ZFP2: variants seen among roughly 807,000 people sequenced by gnomAD.
The protein encoded by ZFP2 is zinc finger protein ZFP2.
Under a neutral mutation model 36.1 loss-of-function variants are expected in ZFP2, and 33 were observed. The ratio of observed to expected loss-of-function variants is 0.92; its 90% CI spans 0.69 to 1.22. ZFP2 has a LOEUF of 1.22. Ranked by LOEUF, ZFP2 falls within the 50% of genes most tolerant of loss-of-function variation. The pLI is 0.00. For missense variants in ZFP2, 522 were observed against 551.4 expected, an observed-to-expected ratio of 0.95 and a Z score of 0.53; for synonymous variants, 170 against 178.0, an observed-to-expected ratio of 0.96 and a Z score of 0.36.
intron 1 of ZFP2, among the ~76,000 whole-genome samples, chr5:178,903,651 T>C (rs1758103651): frequency 1.3e-5 from 2 of 152,204 alleles, no homozygotes; most frequent in Admixed American, 6.6e-5. Flanking sequence ...AAATTTCCTT[T>C]CTCTTTACTT....
chr5:178,910,282 G>T, intron 1 of ZFP2: 1 of 1,378,100 alleles, frequency 7.3e-7, no homozygotes, highest in Non-Finnish European at 1.0e-6. Context: ...TTGCAAAAGT[G>T]CTCCATGCCT....
At chr5:178,919,983 T>C (rs528836887) in intron 4 of ZFP2, among the ~76,000 whole-genome samples, 6 of 151,718 alleles carry the variant, frequency 4.0e-5, no homozygotes, top group African/African-American at 1.4e-4. Context: ...AAAAAAAATT[T>C]GATTATGATG....
At chr5:178,905,638 T>C (rs1307126114) in intron 1 of ZFP2, among the ~76,000 whole-genome samples, 12 of 147,426 alleles carry the variant, frequency 8.1e-5, no homozygotes, top group Admixed American at 2.0e-4. Flanking sequence ...CTGAATGTAG[T>C]GCTAGGGGGA....
At chr5:178,927,152 A>T (rs17663891) in intron 4 of ZFP2, among the ~76,000 whole-genome samples, 6,768 of 152,234 alleles carry the variant, frequency 0.044, 217 homozygotes, top group Non-Finnish European at 0.071. Flanking sequence ...AAGTCTGAGT[A>T]GCTACAAGGT....
rs1466955479 is a variant in ZFP2 at position 178,900,436 on chromosome 5, C to G, written c.-450+4462C>G. Among the ~76,000 whole-genome samples the G allele has an allele frequency of 2.5e-5, 2 of 78,812 alleles. 1 individual carries two copies. The highest frequency in any genetic ancestry group is 5.7e-5 in the Non-Finnish European group (2 of 34,950). The allele number at this position is 78,812 out of a possible 152,430, so 51.7% of individuals were successfully genotyped here. A position where few individuals can be genotyped will look rare whatever the true frequency, so the allele number is the denominator to read the frequency against. ...CCACTTCTACTCCATGTCCCCCACC[C>G]CAGCCAGCCAGTGTCCTCGTGCCAC... On this transcript the variant is annotated intron_variant, in intron 1 of 4. Transcript: ENST00000361362.
intron 1 of ZFP2, among the ~76,000 whole-genome samples, chr5:178,909,455 A>G (rs372536802): frequency 6.6e-6 from 1 of 152,068 alleles, no homozygotes; most frequent in Non-Finnish European, 1.5e-5. Context: ...TTGCTTCCAG[A>G]GCTTGGGGCC....
intron 1 of ZFP2, chr5:178,910,715 G>T: frequency 3.7e-6 from 1 of 270,122 alleles, no homozygotes; most frequent in Non-Finnish European, 7.3e-6. Flanking sequence ...GCCAACAGCT[G>T]CTCCAGAGGT....
intron 4 of ZFP2, among the ~76,000 whole-genome samples, chr5:178,926,912 C>G (rs951341993): frequency 1.3e-5 from 2 of 152,164 alleles, no homozygotes; most frequent in African/African-American, 4.8e-5. Context: ...TGTCTTTCCA[C>G]TTTTTCTCTC....
intron 1 of ZFP2, among the ~76,000 whole-genome samples, chr5:178,906,280 T>C (rs1758163323): frequency 6.6e-6 from 1 of 152,174 alleles, no homozygotes; most frequent in South Asian, 2.1e-4. Flanking sequence ...ACAAGGTAAT[T>C]TGTTGAAAAA....
chr5:178,927,675 G>A lies in ZFP2; in HGVS notation c.-77-3562G>A, dbSNP rs1038433885. On this transcript the variant is annotated intron_variant, in intron 4 of 4. Transcript: ENST00000361362. ...TCATACCTGGCCAATGTGTGTGTGT[G>A]TGTGTGTGTGTGTGTGTGTGTGTGT... 3.8e-5 allele frequency among the ~76,000 whole-genome samples: 5 copies of A among 132,810 alleles called. No individual in the cohort carries two copies. The East Asian group carries it at 1.1e-3, about 29-fold the overall frequency. The allele number at this position is 132,810 out of a possible 152,430, so 87.1% of individuals were successfully genotyped here.
At chr5:178,901,247 A>G (rs1402259360) in intron 1 of ZFP2, among the ~76,000 whole-genome samples, 1 of 152,244 alleles carries the variant, frequency 6.6e-6, no homozygotes, top group African/African-American at 2.4e-5. Context: ...AAGTATATGT[A>G]CCATTGTACA....
At chr5:178,921,717 T>C (rs2113107216) in intron 4 of ZFP2, among the ~76,000 whole-genome samples, 1 of 149,724 alleles carries the variant, frequency 6.7e-6, no homozygotes, top group Admixed American at 6.7e-5. Context: ...TGTATAAGTT[T>C]AGTACAGAAG....
At chr5:178,901,105 C>G (rs957517464) in intron 1 of ZFP2, among the ~76,000 whole-genome samples, 1 of 152,154 alleles carries the variant, frequency 6.6e-6, no homozygotes, top group East Asian at 1.9e-4. Flanking sequence ...CTGTTTTTAG[C>G]TATTATGAAT....
chr5:178,932,636 T>A lies in ZFP2; in HGVS notation c.1323T>A (p.Asn441Lys). Residue 441 changes from asparagine (N) to lysine (K), a missense_variant, in exon 5 of 5, where the codon AAT (asparagine) becomes AAA (lysine). By Grantham distance (94) the Asn-to-Lys change is moderately conservative. Transcript: ENST00000361362. ...CAGGAGAGAAACCCTATCAGTGTAA[T>A]GAATGCGGAAAAGCCTTCAGCCGGA... ...THTGEKPYQC[N>K]ECGKAFSRST... The A allele has an allele frequency of 6.2e-7, 1 of 1,613,524 alleles. No homozygotes were observed. Among genetic ancestry groups the A allele is most frequent in the Non-Finnish European group, 8.5e-7 (1 of 1,179,808 alleles).
At chr5:178,909,512 C>T (rs1353260286) in intron 1 of ZFP2, among the ~76,000 whole-genome samples, 1 of 152,180 alleles carries the variant, frequency 6.6e-6, no homozygotes, top group Non-Finnish European at 1.5e-5. Flanking sequence ...CACTTTCACT[C>T]TTGACTTCTC....
chr5:178,927,110 T>C (rs1217354728), intron 4 of ZFP2, among the ~76,000 whole-genome samples: 1 of 152,188 alleles, frequency 6.6e-6, no homozygotes, highest in Non-Finnish European at 1.5e-5. Context: ...CCTTATTTTG[T>C]CTGGGATAAG....
chr5:178,922,680 A>G lies in ZFP2; in HGVS notation c.-78+5970A>G, dbSNP rs1241637378. The G allele has an allele frequency of 4.4e-6, 7 of 1,585,508 alleles. 1 individual carries two copies. The highest frequency in any genetic ancestry group is 3.4e-5 in the Admixed American group (2 of 59,272). ...TGGCCTTGTTATTTCACCACTCTGG[A>G]TATACTGGAATAGAAAGCAACTTAC... On this transcript the variant is annotated intron_variant, in intron 4 of 4. Coordinates refer to ENST00000361362, the MANE Select transcript of ZFP2 (RefSeq NM_030613.4).
intron 1 of ZFP2, among the ~76,000 whole-genome samples, chr5:178,904,696 CTTTTTTTTTTT>C (rs1195032566): frequency 1.1e-5 from 1 of 88,622 alleles, no homozygotes; most frequent in African/African-American, 4.5e-5. Flanking sequence ...ATTCATTTTG[CTTTTTTTTTTT>C]TTTTTTTTTT....
intron 1 of ZFP2, among the ~76,000 whole-genome samples, chr5:178,896,862 T>C (rs1374723433): frequency 6.6e-6 from 1 of 152,164 alleles, no homozygotes. Flanking sequence ...AATTTTTTAC[T>C]GGCCTAAACA....
Sources: allele counts gnomAD v4.1 joint callset (sites outside exome capture counted in the v4.1 genomes callset), GRCh38; gene constraint gnomAD v4.1.1; transcripts MANE v1.5; gene names NCBI Gene and HGNC (gene_info 2026-07-23, HGNC 2026-07-21).